The following PLEKHG4B variants were observed in gnomAD, a reference collection of about 807,000 sequenced individuals.
PLEKHG4B encodes the protein pleckstrin homology and RhoGEF domain containing G4B.
PLEKHG4B carries 111 observed loss-of-function variants against 121.3 expected under a neutral mutation model. That is an observed-to-expected ratio of 0.92 (90% CI 0.78 to 1.07). The LOEUF (loss-of-function observed/expected upper bound fraction) is 1.07. Among genes scored for constraint, PLEKHG4B ranks in the 50% least tolerant of loss-of-function variants. The probability of loss-of-function intolerance (pLI) is 0.00; values close to 1 mark genes in which losing one functional copy is unlikely to be tolerated. For synonymous variants in PLEKHG4B, 738 were observed against 725.0 expected, an observed-to-expected ratio of 1.02 and a Z score of -0.29; for missense variants, 1,831 against 1,757.8, an observed-to-expected ratio of 1.04 and a Z score of -0.74.
At position 92,204 on chromosome 5, in the gene PLEKHG4B, G is replaced by A. The variant is rs1382258205; in HGVS notation, c.-28G>A. ...GGACCAGGCAGAGTTCGGGGAAAGC[G>A]TCGGAGTTCGGGAGACCAGGGTCCA... On this transcript the variant is annotated 5_prime_UTR_variant, in exon 1 of 20. Transcript: ENST00000637938. 3 of 374,318 alleles carry A rather than the reference G, an allele frequency of 8.0e-6. No individual in the cohort carries two copies. The highest frequency in any genetic ancestry group is 2.2e-5 in the African/African-American group (1 of 46,290). The allele number at this position is 374,318 out of a possible 1,614,324, so 23.2% of individuals were successfully genotyped here. A position where few individuals can be genotyped will look rare whatever the true frequency, so the allele number is the denominator to read the frequency against.
chr5:117,547 T>C (rs184113924), intron 2 of PLEKHG4B, among the ~76,000 whole-genome samples: 142 of 152,276 alleles, frequency 9.3e-4, no homozygotes, highest in African/African-American at 3.3e-3. Context: ...TCCAGAAATG[T>C]GTCTGGAGAA....
intron 2 of PLEKHG4B, among the ~76,000 whole-genome samples, chr5:127,914 T>C (rs1734667416): frequency 6.6e-6 from 1 of 152,190 alleles, no homozygotes; most frequent in African/African-American, 2.4e-5. Context: ...AATACATTGG[T>C]TTGGTCCAGA....
chr5:132,591 G>A (rs1029560333), intron 2 of PLEKHG4B, among the ~76,000 whole-genome samples: 13 of 152,050 alleles, frequency 8.5e-5, no homozygotes, highest in Non-Finnish European at 1.5e-4. Context: ...ATGAGGATCC[G>A]GTTTTGTTCT....
rs141938642 is a variant in PLEKHG4B, at chr5:92,686, C to T, written c.45+410C>T. On this transcript the variant is annotated intron_variant, in intron 1 of 19. Coordinates refer to ENST00000637938, the MANE Select transcript of PLEKHG4B (RefSeq NM_052909.5). ...CGTGAATACTCGGGAGAAGAAATAA[C>T]GCTTTCTGGACAGATTTGCCCTCTC... 9.6e-4 allele frequency among the ~76,000 whole-genome samples: 146 copies of T among 151,770 alleles called. 2 individuals carry two copies. The East Asian group carries it at 0.012, about 12-fold the overall frequency.
At chr5:177,522 C>T (rs537668322) in intron 18 of PLEKHG4B, among the ~76,000 whole-genome samples, 25 of 152,282 alleles carry the variant, frequency 1.6e-4, no homozygotes, top group African/African-American at 4.6e-4. Context: ...GAGTGACCGG[C>T]GGCAAATCTG....
At chr5:118,648 C>T (rs185894207) in intron 2 of PLEKHG4B, among the ~76,000 whole-genome samples, 12 of 152,300 alleles carry the variant, frequency 7.9e-5, no homozygotes, top group South Asian at 2.1e-4. Context: ...TTGACTTCCT[C>T]TCATGAATCT....
chr5:142,904 G>A (rs538556982), intron 3 of PLEKHG4B, 143 bp from the exon 4 acceptor site: 148 of 786,978 alleles, frequency 1.9e-4, no homozygotes, highest in Non-Finnish European at 3.0e-4. Flanking sequence ...TTCACTTCCC[G>A]TGTGAACTGG....
chr5:172,386 A>G (rs1170175861), intron 16 of PLEKHG4B, among the ~76,000 whole-genome samples: 1 of 152,134 alleles, frequency 6.6e-6, no homozygotes, highest in Non-Finnish European at 1.5e-5. Context: ...GTCTCCTCTG[A>G]CCCAGCTTGA....
chr5:135,057 C>T (rs1156645380), intron 2 of PLEKHG4B, among the ~76,000 whole-genome samples: 5 of 151,130 alleles, frequency 3.3e-5, no homozygotes, highest in Non-Finnish European at 7.4e-5. Flanking sequence ...GGCATGGTGG[C>T]GGGCGCCTGT....
intron 13 of PLEKHG4B, among the ~76,000 whole-genome samples, chr5:165,329 C>G (rs555732649): frequency 3.4e-5 from 1 of 29,044 alleles, no homozygotes; most frequent in East Asian, 5.6e-4. Flanking sequence ...CAGTAATCCT[C>G]TGACGGGGCG....
chr5:152,440 G>T (rs981757052), intron 7 of PLEKHG4B, among the ~76,000 whole-genome samples: 1 of 151,702 alleles, frequency 6.6e-6, no homozygotes, highest in Non-Finnish European at 1.5e-5. Context: ...CGAAGTCCCG[G>T]CCTTAGGCAG....
At chr5:128,984 C>G (rs141800461) in intron 2 of PLEKHG4B, among the ~76,000 whole-genome samples, 1 of 152,094 alleles carries the variant, frequency 6.6e-6, no homozygotes, top group African/African-American at 2.4e-5. Flanking sequence ...AAAAGACTGA[C>G]GAAACAGATT....
chr5:126,304 T>C (rs1351358347), intron 2 of PLEKHG4B, among the ~76,000 whole-genome samples: 1 of 152,216 alleles, frequency 6.6e-6, no homozygotes, highest in African/African-American at 2.4e-5. Flanking sequence ...AATCCACCTT[T>C]GAACCCCTTT....
intron 13 of PLEKHG4B, among the ~76,000 whole-genome samples, chr5:164,648 C>G (rs540489213): frequency 0.17 from 21,377 of 126,546 alleles, 5,572 homozygotes; most frequent in South Asian, 0.25. Flanking sequence ...CACTAATGCT[C>G]TGACGGGCGG....
chr5:124,391 G>A (rs1734553556), intron 2 of PLEKHG4B, among the ~76,000 whole-genome samples: 1 of 152,178 alleles, frequency 6.6e-6, no homozygotes, highest in African/African-American at 2.4e-5. Context: ...TCTGTTAGAT[G>A]GAGTTGATTT....
intron 1 of PLEKHG4B, among the ~76,000 whole-genome samples, chr5:99,378 C>A (rs1038120803): frequency 1.3e-5 from 2 of 151,608 alleles, no homozygotes; most frequent in Admixed American, 6.6e-5. Flanking sequence ...CATGAACACA[C>A]AATGTCTTCC....
At position 184,730 on chromosome 5, in the gene PLEKHG4B, T is replaced by C. The variant is rs1733561186; in HGVS notation, c.*2407T>C. On this transcript the variant is annotated 3_prime_UTR_variant, in exon 20 of 20. Coordinates refer to ENST00000637938, the MANE Select transcript of PLEKHG4B (RefSeq NM_052909.5). ...TCTAAACGGGAAATGGGTTAAAAGA[T>C]GAGTGGCTTGGCCGGGTGCGGTGGC... The C allele has an allele frequency of 6.6e-6, 1 of 152,148 alleles. No individual in the cohort carries two copies. The highest frequency in any genetic ancestry group is 1.5e-5 in the Non-Finnish European group (1 of 68,038). 9.4% of individuals were successfully genotyped at this position (152,148 alleles called of 1,614,324 possible). A position where few individuals can be genotyped will look rare whatever the true frequency, so the allele number is the denominator to read the frequency against.
Position 188,921 on chromosome 5 carries a change from C to A in PLEKHG4B, c.*6598C>A, listed in dbSNP as rs565223838. The A allele has an allele frequency of 2.0e-5, 3 of 152,242 alleles. No individual in the cohort carries two copies. Among genetic ancestry groups the A allele is most frequent in the Non-Finnish European group, 4.4e-5 (3 of 68,056 alleles). The allele number at this position is 152,242 out of a possible 1,614,324, so 9.4% of individuals were successfully genotyped here. A position where few individuals can be genotyped will look rare whatever the true frequency, so the allele number is the denominator to read the frequency against. On this transcript the variant is annotated 3_prime_UTR_variant, in exon 20 of 20. Coordinates refer to ENST00000637938, the MANE Select transcript of PLEKHG4B (RefSeq NM_052909.5). ...TGCTGTCACAGCTTTGAGGGGCCAG[C>A]GGGTCCTAGGGAGAGGCCCGTGCGA...
At chr5:141,480 A>C in intron 3 of PLEKHG4B, among the ~76,000 whole-genome samples, 1 of 149,906 alleles carries the variant, frequency 6.7e-6, no homozygotes, top group Non-Finnish European at 1.5e-5. Flanking sequence ...CCTCCTCCCC[A>C]GTGCTTCTCT....
Sources: gnomAD v4.1 joint callset for allele counts (sites outside exome capture counted in the v4.1 genomes callset) on GRCh38, gnomAD v4.1.1 for gene constraint, MANE v1.5 for transcripts, NCBI Gene and HGNC (gene_info 2026-07-23, HGNC 2026-07-21) for gene names.